The following SUSD4 variants were observed in gnomAD, a reference collection of about 807,000 sequenced individuals.
SUSD4 encodes the protein sushi domain-containing protein 4.
Under a neutral mutation model 50.5 loss-of-function variants are expected in SUSD4, and 41 were observed. The ratio of observed to expected loss-of-function variants is 0.81; its 90% CI spans 0.63 to 1.05. The LOEUF (loss-of-function observed/expected upper bound fraction) is 1.05. Among genes scored for constraint, SUSD4 ranks in the 50% least tolerant of loss-of-function variants. The pLI is 0.00. For synonymous variants in SUSD4, 257 were observed against 257.3 expected (o/e 1.00, Z 0.01); for missense variants, 580 against 634.7 (o/e 0.91, Z 0.93).
At chr1:223,228,674 C>A (rs772832894) in intron 6 of SUSD4, among the ~76,000 whole-genome samples, 1 of 152,096 alleles carries the variant, frequency 6.6e-6, no homozygotes, top group Non-Finnish European at 1.5e-5. Context: ...CAGGTGTTAC[C>A]CACAGTATCA....
At chr1:223,321,264 C>T (rs530330043) in intron 2 of SUSD4, among the ~76,000 whole-genome samples, 4 of 152,288 alleles carry the variant, frequency 2.6e-5, no homozygotes, top group South Asian at 2.1e-4. Flanking sequence ...AGGCAGTACA[C>T]GGCAAAGACA....
chr1:223,261,057 G>A (rs979753895), intron 5 of SUSD4, among the ~76,000 whole-genome samples: 2 of 152,124 alleles, frequency 1.3e-5, no homozygotes, highest in African/African-American at 2.4e-5. Context: ...GTCCTCATCT[G>A]TAAAAGGAGG....
Position 223,221,898 on chromosome 1 carries a change from C to A in SUSD4, c.*294G>T. ...TCGGTGGGATGTGCGTGGAATTGTC[C>A]CATGTTCCACAGCACGATACACATT... On this transcript the variant is annotated 3_prime_UTR_variant, in exon 9 of 9. Transcript: ENST00000366878. 2.9e-6 allele frequency: 1 copy of A among 343,770 alleles called. No homozygotes were observed. Among genetic ancestry groups the A allele is most frequent in the Non-Finnish European group, 5.2e-6 (1 of 191,268 alleles). 21.3% of individuals were successfully genotyped at this position (343,770 alleles called of 1,614,324 possible).
intron 3 of SUSD4, among the ~76,000 whole-genome samples, chr1:223,272,449 A>T (rs529053877): frequency 2.3e-4 from 35 of 152,366 alleles, no homozygotes; most frequent in African/African-American, 8.2e-4. Context: ...TTGCATATTT[A>T]TACCCAAGTA....
Position 223,223,557 on chromosome 1 carries a change from T to C in SUSD4, c.1136A>G (p.Tyr379Cys). The change falls in exon 8 of 9, where the codon TAT (tyrosine) becomes TGT (cysteine). Residue 379 changes from tyrosine (Y) to cysteine (C), a missense_variant. Transcript: ENST00000366878. ...VDGVPVMLPS[Y>C]DEAVSGGLSA... ...CAAGCCGCCACTCACAGCTTCGTCA[T>C]AGGACGGGAGCATGACGGGCACGCC... 4 of 1,613,508 alleles carry C rather than the reference T, an allele frequency of 2.5e-6. No individual in the cohort carries two copies. The highest frequency in any genetic ancestry group is 3.4e-6 in the Non-Finnish European group (4 of 1,179,830).
chr1:223,345,969 C>T (rs569449619), intron 2 of SUSD4, among the ~76,000 whole-genome samples: 2 of 152,278 alleles, frequency 1.3e-5, no homozygotes, highest in South Asian at 4.1e-4. Context: ...TTCCATGTCT[C>T]CCTTCAGCCT....
intron 2 of SUSD4, among the ~76,000 whole-genome samples, chr1:223,334,028 G>A (rs1214309107): frequency 1.3e-5 from 2 of 152,120 alleles, no homozygotes; most frequent in African/African-American, 4.8e-5. Flanking sequence ...ACCCACCCAT[G>A]AACACAGAGC....
intron 2 of SUSD4, among the ~76,000 whole-genome samples, chr1:223,331,474 CCT>C (rs1232364397): frequency 1.3e-5 from 2 of 152,184 alleles, no homozygotes; most frequent in Admixed American, 6.5e-5. Context: ...CCTGTGTCCC[CCT>C]GTGGTTGGGG....
rs139718964 is a variant in SUSD4 at position 223,235,567 on chromosome 1, G to A, written c.725-6179C>T. 7.6e-4 allele frequency among the ~76,000 whole-genome samples: 106 copies of A among 138,998 alleles called. 1 individual carries two copies. Among genetic ancestry groups the A allele is most frequent in the Admixed American group, 2.4e-3 (29 of 11,976 alleles). 91.2% of individuals were successfully genotyped at this position (138,998 alleles called of 152,430 possible). The stretch of plus-strand genomic sequence containing the variant: ...AACAATCACTGATCGTTTTGCTGTC[G>A]TCATAGTTTTGCCTTTTCCAAAATG... On this transcript the variant is annotated intron_variant, in intron 5 of 8. Transcript: ENST00000366878.
At chr1:223,257,365 C>CAAA (rs113889113) in intron 5 of SUSD4, among the ~76,000 whole-genome samples, 2 of 150,578 alleles carry the variant, frequency 1.3e-5, no homozygotes, top group African/African-American at 4.9e-5. Flanking sequence ...AATTAAAAAA[C>CAAA]AAAAAAAAAC....
chr1:223,321,229 T>C (rs1381533255), intron 2 of SUSD4, among the ~76,000 whole-genome samples: 8 of 152,192 alleles, frequency 5.3e-5, no homozygotes, highest in Non-Finnish European at 1.2e-4. Context: ...GAGGGCTCCT[T>C]CCTGCTTTTC....
intron 3 of SUSD4, among the ~76,000 whole-genome samples, chr1:223,284,824 A>G (rs1231750706): frequency 6.6e-6 from 1 of 152,180 alleles, no homozygotes; most frequent in Non-Finnish European, 1.5e-5. Context: ...CTGATCTCAT[A>G]GAAGTAAAAA....
Position 223,227,107 on chromosome 1 carries a change from T to C in SUSD4, c.1061+487A>G, listed in dbSNP as rs575278152. On this transcript the variant is annotated intron_variant, in intron 7 of 8. Transcript: ENST00000366878. The surrounding 1 kb of genome is among the most constrained non-coding windows in gnomAD (Gnocchi z 4.5). The stretch of plus-strand genomic sequence containing the variant: ...TGGTAGACTCTCACTAGCCCTTTCC[T>C]GATTGCTCCTGGAATCAGAAAAGTC... Among the ~76,000 whole-genome samples the C allele has an allele frequency of 1.3e-5, 2 of 152,346 alleles. No homozygotes were observed. Among genetic ancestry groups the C allele is most frequent in the African/African-American group, 4.8e-5 (2 of 41,584 alleles).
At chr1:223,279,640 T>C (rs1320925116) in intron 3 of SUSD4, among the ~76,000 whole-genome samples, 1 of 152,116 alleles carries the variant, frequency 6.6e-6, no homozygotes, top group Non-Finnish European at 1.5e-5. Flanking sequence ...ATGGGGAGAA[T>C]GGAACCAAGT....
intron 2 of SUSD4, among the ~76,000 whole-genome samples, chr1:223,295,907 T>A (rs1664792567): frequency 6.6e-6 from 1 of 151,432 alleles, no homozygotes; most frequent in Non-Finnish European, 1.5e-5. Flanking sequence ...CATTTTAGAA[T>A]GATCTCTCTG....
intron 3 of SUSD4, among the ~76,000 whole-genome samples, chr1:223,274,324 G>A (rs549571907): frequency 6.6e-6 from 1 of 152,318 alleles, no homozygotes; most frequent in African/African-American, 2.4e-5. Flanking sequence ...GCTCTTCAGA[G>A]ATGACTGGAG....
At chr1:223,244,552 T>C (rs1660792893) in intron 5 of SUSD4, among the ~76,000 whole-genome samples, 1 of 152,174 alleles carries the variant, frequency 6.6e-6, no homozygotes, top group Non-Finnish European at 1.5e-5. Flanking sequence ...GGATGTCTCA[T>C]GGTCTTGGTC....
chr1:223,243,497 C>T (rs1027805401), intron 5 of SUSD4, among the ~76,000 whole-genome samples: 3 of 152,200 alleles, frequency 2.0e-5, no homozygotes, highest in Non-Finnish European at 4.4e-5. Context: ...GAATGCTGTT[C>T]ACAGCACTGA....
chr1:223,266,305 G>C (rs1426402398), intron 4 of SUSD4, among the ~76,000 whole-genome samples: 1 of 152,196 alleles, frequency 6.6e-6, no homozygotes, highest in Admixed American at 6.5e-5. Context: ...TATAGTAAAA[G>C]TGAAGTGTAT....
Sources: allele counts gnomAD v4.1 joint callset (sites outside exome capture counted in the v4.1 genomes callset), GRCh38; gene constraint gnomAD v4.1.1; non-coding constraint Gnocchi (gnomAD v3.1); transcripts MANE v1.5; gene names NCBI Gene and HGNC (gene_info 2026-07-23, HGNC 2026-07-21).